The following SIK2 variants were observed in gnomAD, a reference collection of about 807,000 sequenced individuals.
SIK2 encodes salt inducible kinase 2.
SIK2 carries 29 observed loss-of-function variants against 103.2 expected under a neutral mutation model. The observed-to-expected ratio is 0.28, with a 90% confidence interval of 0.21 to 0.38. The LOEUF (loss-of-function observed/expected upper bound fraction) is 0.38, where lower values mean the gene tolerates loss of function less well. Ranked by LOEUF, SIK2 falls within the 10% of genes least tolerant of loss-of-function variation. The probability of loss-of-function intolerance (pLI) is 1.00; values close to 1 mark genes in which losing one functional copy is unlikely to be tolerated. For synonymous variants in SIK2, 412 were observed against 446.1 expected (o/e 0.92, Z 0.96); for missense variants, 879 against 1,171.0 (o/e 0.75, Z 3.64).
intron 9 of SIK2, among the ~76,000 whole-genome samples, chr11:111,717,362 T>C (rs2135962323): frequency 7.3e-6 from 1 of 136,150 alleles, no homozygotes; most frequent in East Asian, 2.2e-4. Context: ...TGACTGATCA[T>C]TAGAGAAATG....
At chr11:111,650,214 C>G (rs981053075) in intron 3 of SIK2, among the ~76,000 whole-genome samples, 4 of 151,774 alleles carry the variant, frequency 2.6e-5, no homozygotes, top group African/African-American at 4.8e-5. Context: ...TTTGGCTTCT[C>G]TGGGCAACTA....
chr11:111,649,166 T>C (rs1236081139), intron 3 of SIK2, among the ~76,000 whole-genome samples: 1 of 152,220 alleles, frequency 6.6e-6, no homozygotes, highest in Non-Finnish European at 1.5e-5. Context: ...AGTTTCATTC[T>C]TTTTTCTGTG....
In SIK2 at chr11:111,703,197, C is replaced by A; in HGVS notation, c.728-6C>A. 1 of 1,613,562 alleles carries A rather than the reference C, an allele frequency of 6.2e-7. No homozygotes were observed. Among genetic ancestry groups the A allele is most frequent in the South Asian group, 1.1e-5 (1 of 91,066 alleles). Reference sequence around the variant, plus strand: ...TGTGACTTTTGTAACATTGTGTTTTCTATAGATTGCGAGCACCTTATCCGA... The same window carrying A: ...TGTGACTTTTGTAACATTGTGTTTTATATAGATTGCGAGCACCTTATCCGA... On this transcript the variant is annotated splice_polypyrimidine_tract_variant and splice_region_variant and intron_variant, in intron 6 of 14. Coordinates refer to ENST00000304987, the MANE Select transcript of SIK2 (RefSeq NM_015191.3).
intron 4 of SIK2, among the ~76,000 whole-genome samples, chr11:111,699,474 C>T (rs983639163): frequency 3.3e-5 from 5 of 152,170 alleles, no homozygotes; most frequent in Non-Finnish European, 5.9e-5. Flanking sequence ...AGCATCCTAT[C>T]TGGGTAGGTG....
At chr11:111,685,345 CA>C (rs1942831942) in intron 3 of SIK2, among the ~76,000 whole-genome samples, 1 of 152,198 alleles carries the variant, frequency 6.6e-6, no homozygotes. Flanking sequence ...GTCCGTGACC[CA>C]GGGGTTGAGG....
intron 2 of SIK2, among the ~76,000 whole-genome samples, chr11:111,617,142 T>C (rs1440549385): frequency 6.6e-6 from 1 of 152,168 alleles, no homozygotes; most frequent in Non-Finnish European, 1.5e-5. Flanking sequence ...TGGGGTTTTT[T>C]GTCATTGTTT....
intron 3 of SIK2, among the ~76,000 whole-genome samples, chr11:111,629,690 C>T (rs1170950503): frequency 6.6e-6 from 1 of 152,018 alleles, no homozygotes; most frequent in African/African-American, 2.4e-5. Flanking sequence ...AAAAGATATA[C>T]AAATGGCCAA....
At chr11:111,647,195 A>G (rs181012308) in intron 3 of SIK2, among the ~76,000 whole-genome samples, 2 of 152,284 alleles carry the variant, frequency 1.3e-5, no homozygotes, top group Admixed American at 1.3e-4. Context: ...CATTTAGATT[A>G]CTTCCAGTTT....
intron 3 of SIK2, chr11:111,672,386 G>T: frequency 2.0e-6 from 1 of 506,960 alleles, no homozygotes; most frequent in Admixed American, 3.5e-5. Flanking sequence ...TAGGACTTCT[G>T]GGTCACCCTG....
At chr11:111,661,210 C>T (rs915101735) in intron 3 of SIK2, among the ~76,000 whole-genome samples, 2 of 152,100 alleles carry the variant, frequency 1.3e-5, no homozygotes, top group African/African-American at 2.4e-5. Flanking sequence ...GAATATACTG[C>T]ACTAGGTTAG....
chr11:111,610,975 G>A (rs184671237), intron 1 of SIK2, among the ~76,000 whole-genome samples: 40 of 152,202 alleles, frequency 2.6e-4, no homozygotes, highest in Admixed American at 2.3e-3. Flanking sequence ...GCTGGGTGAG[G>A]TGGCTCACAC....
At position 111,724,308 on chromosome 11, in the gene SIK2, C is replaced by T; in HGVS notation, c.*179C>T. The T allele has an allele frequency of 2.2e-6, 2 of 898,956 alleles. No individual in the cohort carries two copies. The highest frequency in any genetic ancestry group is 1.8e-5 in the South Asian group (1 of 54,654). 55.7% of individuals were successfully genotyped at this position (898,956 alleles called of 1,614,324 possible). A position where few individuals can be genotyped will look rare whatever the true frequency, so the allele number is the denominator to read the frequency against. On this transcript the variant is annotated 3_prime_UTR_variant, in exon 15 of 15. Coordinates refer to ENST00000304987, the MANE Select transcript of SIK2 (RefSeq NM_015191.3). ...GGATGTTGCTTCCTCCTGGTTCTGC[C>T]CCACCACAAAGTTTTCTGTGGCAAG...
chr11:111,701,137 C>A lies in SIK2; in HGVS notation c.603+127C>A. 1 of 1,250,122 alleles carries A rather than the reference C, an allele frequency of 8.0e-7. No individual in the cohort carries two copies. The highest frequency in any genetic ancestry group is 1.1e-6 in the Non-Finnish European group (1 of 923,330). 77.4% of individuals were successfully genotyped at this position (1,250,122 alleles called of 1,614,324 possible). A position where few individuals can be genotyped will look rare whatever the true frequency, so the allele number is the denominator to read the frequency against. ...TTTCATATTTTCCCCATCCACTGGA[C>A]TATAATTACTCAGAGCATCTTGAAA... On this transcript the variant is annotated intron_variant, in intron 5 of 14. Coordinates refer to ENST00000304987, the MANE Select transcript of SIK2 (RefSeq NM_015191.3). The surrounding 1 kb of genome is among the most constrained non-coding windows in gnomAD (Gnocchi z 4.2).
intron 3 of SIK2, among the ~76,000 whole-genome samples, chr11:111,685,258 C>T (rs564121080): frequency 2.0e-5 from 3 of 152,316 alleles, no homozygotes; most frequent in African/African-American, 7.2e-5. Context: ...TTAGATCCCT[C>T]ACATGTGCAG....
In SIK2 at chr11:111,705,741, C is replaced by T. The variant is rs1319911892; in HGVS notation, c.1101+602C>T. Among the ~76,000 whole-genome samples the T allele has an allele frequency of 1.3e-5, 2 of 152,144 alleles. No homozygotes were observed. The highest frequency in any genetic ancestry group is 2.9e-5 in the Non-Finnish European group (2 of 68,024). On this transcript the variant is annotated intron_variant, in intron 8 of 14. Transcript: ENST00000304987. The surrounding 1 kb of genome is among the most constrained non-coding windows in gnomAD (Gnocchi z 4.3). Reference sequence around the variant, plus strand: ...AGTTTACTTACAATTCAAGAAGCAACAAGGACCTACTGAAGGCTGCTAAGC... The same window carrying T: ...AGTTTACTTACAATTCAAGAAGCAATAAGGACCTACTGAAGGCTGCTAAGC...
At chr11:111,617,008 G>A (rs1280142639) in intron 2 of SIK2, among the ~76,000 whole-genome samples, 1 of 151,978 alleles carries the variant, frequency 6.6e-6, no homozygotes, top group Admixed American at 6.6e-5. Flanking sequence ...GTCATACATA[G>A]GACTGTATTT....
chr11:111,692,918 T>C (rs957903569), intron 4 of SIK2, among the ~76,000 whole-genome samples: 4 of 152,062 alleles, frequency 2.6e-5, no homozygotes, highest in African/African-American at 9.7e-5. Context: ...AAGCACAAAA[T>C]TAAAATATTT....
intron 7 of SIK2, 104 bp downstream of exon 7, chr11:111,703,527 A>G (rs1023984917): frequency 5.2e-6 from 5 of 960,378 alleles, no homozygotes; most frequent in Middle Eastern, 6.4e-4. Flanking sequence ...TCCAGCGCCT[A>G]GGCGTACTGT....
chr11:111,637,012 A>C (rs1410655068), intron 3 of SIK2, among the ~76,000 whole-genome samples: 1 of 152,066 alleles, frequency 6.6e-6, no homozygotes, highest in Non-Finnish European at 1.5e-5. Context: ...AATTGCCTTG[A>C]ATTATTTAGT....
Sources: allele counts gnomAD v4.1 joint callset (sites outside exome capture counted in the v4.1 genomes callset), GRCh38; gene constraint gnomAD v4.1.1; non-coding constraint Gnocchi (gnomAD v3.1); transcripts MANE v1.5; gene names NCBI Gene and HGNC (gene_info 2026-07-23, HGNC 2026-07-21).